Variants in SNX29 observed in about 807,000 individuals in gnomAD.
SNX29 encodes sorting nexin 29, also known as sorting nexin-29.
A neutral mutation model predicts 102.1 loss-of-function variants in SNX29; 78 were observed. That is an observed-to-expected ratio of 0.76 (90% CI 0.64 to 0.92). The LOEUF is 0.92. Among genes scored for constraint, SNX29 ranks in the 40% least tolerant of loss-of-function variants. SNX29 has a pLI of 0.00. For synonymous variants in SNX29, 580 were observed against 414.5 expected (o/e 1.40, Z -4.85); for missense variants, 1,280 against 1,061.7 (o/e 1.21, Z -2.86).
chr16:12,434,146 A>T (rs2085429607), intron 18 of SNX29, among the ~76,000 whole-genome samples: 1 of 152,198 alleles, frequency 6.6e-6, no homozygotes, highest in South Asian at 2.1e-4. Context: ...GGATTGAAAC[A>T]TGCTTCTGCC....
At chr16:12,288,895 G>A (rs1198774361) in intron 15 of SNX29, among the ~76,000 whole-genome samples, 2 of 152,110 alleles carry the variant, frequency 1.3e-5, no homozygotes, top group Admixed American at 6.5e-5. Context: ...TTGACCCCCT[G>A]ACTGACCCCA....
At chr16:12,087,644 G>A (rs1000728235) in intron 11 of SNX29, 17 of 358,766 alleles carry the variant, frequency 4.7e-5, no homozygotes, top group South Asian at 6.2e-5. Flanking sequence ...TAAAGCAGCC[G>A]TCATTATGCG....
intron 13 of SNX29, among the ~76,000 whole-genome samples, chr16:12,166,124 C>G: frequency 6.6e-6 from 1 of 152,168 alleles, no homozygotes; most frequent in Non-Finnish European, 1.5e-5. Flanking sequence ...TAGCAGCAGT[C>G]TTGGTTAAAA....
At chr16:12,463,835 T>C (rs1205456495) in intron 18 of SNX29, among the ~76,000 whole-genome samples, 2 of 150,916 alleles carry the variant, frequency 1.3e-5, no homozygotes, top group Non-Finnish European at 3.0e-5. Flanking sequence ...TGTGTGTGTG[T>C]GTGTGTGTGT....
chr16:12,051,697 T>C, intron 7 of SNX29, 150 bp from the exon 8 acceptor site: 1 of 1,199,334 alleles, frequency 8.3e-7, no homozygotes, highest in African/African-American at 1.5e-5. Context: ...ACACAGATTT[T>C]CACTGAGGAT....
intron 13 of SNX29, among the ~76,000 whole-genome samples, chr16:12,145,020 C>T (rs954288607): frequency 6.6e-5 from 10 of 152,322 alleles, no homozygotes; most frequent in Non-Finnish European, 8.8e-5. Flanking sequence ...TGCGCCCGGC[C>T]TCTTTGTGGG....
At chr16:12,047,733 C>G (rs530379152) in intron 6 of SNX29, among the ~76,000 whole-genome samples, 16 of 150,682 alleles carry the variant, frequency 1.1e-4, no homozygotes, top group Admixed American at 8.0e-4. Context: ...TCTTGGCTCA[C>G]CACAACCTCT....
chr16:12,556,072 C>G (rs1473551784), intron 20 of SNX29, among the ~76,000 whole-genome samples: 1 of 145,954 alleles, frequency 6.9e-6, no homozygotes, highest in African/African-American at 2.4e-5. Flanking sequence ...TCTTATTAAT[C>G]TTATAGAATT....
chr16:12,100,319 G>A (rs2052957415), intron 11 of SNX29, among the ~76,000 whole-genome samples: 1 of 152,096 alleles, frequency 6.6e-6, no homozygotes, highest in African/African-American at 2.4e-5. Context: ...TGGCCTCTAC[G>A]CACTAGTTGC....
intron 14 of SNX29, among the ~76,000 whole-genome samples, chr16:12,272,519 A>G (rs6498274): frequency 0.59 from 90,454 of 152,124 alleles, 27,355 homozygotes; most frequent in Middle Eastern, 0.65. Context: ...TGCCCTGCCG[A>G]CGGGCTCCAC....
rs2082902986 is a variant in SNX29, at chr16:12,377,111, A to G, written c.1899+20832A>G. Among the ~76,000 whole-genome samples, 6 of 152,184 alleles carry G rather than the reference A, an allele frequency of 3.9e-5. No individual in the cohort carries two copies. The South Asian group carries it at 1.2e-3, about 32-fold the overall frequency. On this transcript the variant is annotated intron_variant, in intron 16 of 20. Transcript: ENST00000566228. ...AATGGCCAGACTTTCTGTGTTCTCC[A>G]GGCCTATACAAGCCTTTCTGCTGCA...
chr16:12,538,050 A>C (rs1363778413), intron 20 of SNX29, among the ~76,000 whole-genome samples: 3 of 151,956 alleles, frequency 2.0e-5, no homozygotes, highest in African/African-American at 7.2e-5. Flanking sequence ...GCTAAAGTAT[A>C]ATCGATCTTG....
At chr16:12,502,069 C>T (rs1036826064) in intron 19 of SNX29, among the ~76,000 whole-genome samples, 9 of 152,196 alleles carry the variant, frequency 5.9e-5, no homozygotes, top group African/African-American at 1.9e-4. Flanking sequence ...GAACATGGGA[C>T]CTGCTTAGTG....
intron 14 of SNX29, among the ~76,000 whole-genome samples, chr16:12,210,088 C>G (rs1395727754): frequency 6.6e-6 from 1 of 152,214 alleles, no homozygotes; most frequent in Non-Finnish European, 1.5e-5. Context: ...GGGGAACCCT[C>G]TGTCCAGCCC....
intron 20 of SNX29, among the ~76,000 whole-genome samples, chr16:12,553,704 C>T (rs770547105): frequency 2.0e-5 from 3 of 151,520 alleles, no homozygotes; most frequent in Non-Finnish European, 4.4e-5. Context: ...AATTCTGCCT[C>T]AGCCTACCAC....
At chr16:12,385,733 T>C (rs767665446) in intron 16 of SNX29, among the ~76,000 whole-genome samples, 31 of 152,356 alleles carry the variant, frequency 2.0e-4, no homozygotes, top group Admixed American at 5.2e-4. Flanking sequence ...ATAATAGGCA[T>C]AGAGTGACAG....
At chr16:12,311,188 T>C (rs1323592564) in intron 15 of SNX29, among the ~76,000 whole-genome samples, 2 of 152,196 alleles carry the variant, frequency 1.3e-5, no homozygotes, top group Admixed American at 1.3e-4. Flanking sequence ...AGGGAGTTTT[T>C]TTCTGAACCC....
At chr16:12,176,693 G>A (rs1381333944) in intron 13 of SNX29, among the ~76,000 whole-genome samples, 2 of 152,138 alleles carry the variant, frequency 1.3e-5, no homozygotes, top group Non-Finnish European at 2.9e-5. Context: ...CTTGGACTGT[G>A]GTATGTGAGG....
chr16:12,059,477 C>G (rs985873973), intron 8 of SNX29, among the ~76,000 whole-genome samples: 1 of 152,218 alleles, frequency 6.6e-6, no homozygotes, highest in African/African-American at 2.4e-5. Flanking sequence ...CTGAAAGCCT[C>G]ATTGTGGTAT....
Sources: allele counts gnomAD v4.1 joint callset (sites outside exome capture counted in the v4.1 genomes callset), GRCh38; gene constraint gnomAD v4.1.1; transcripts MANE v1.5; gene names NCBI Gene and HGNC (gene_info 2026-07-23, HGNC 2026-07-21).